CNTNAP2: variants seen among roughly 807,000 people sequenced by gnomAD.
CNTNAP2 encodes contactin associated protein 2, also known as contactin-associated protein-like 2.
In CNTNAP2, 98 loss-of-function variants were observed where a neutral mutation model predicts 155.2. The ratio of observed to expected loss-of-function variants is 0.63; its 90% CI spans 0.54 to 0.75. The LOEUF (loss-of-function observed/expected upper bound fraction) is 0.75, where lower values mean the gene tolerates loss of function less well. CNTNAP2 is among the 30% of genes least tolerant of loss of function. The probability of loss-of-function intolerance (pLI) is 0.00; values close to 1 mark genes in which losing one functional copy is unlikely to be tolerated. For synonymous variants in CNTNAP2, 651 were observed against 631.2 expected, an observed-to-expected ratio of 1.03 and a Z score of -0.47; for missense variants, 1,727 against 1,688.1, an observed-to-expected ratio of 1.02 and a Z score of -0.40.
At chr7:146,645,495 C>T (rs770870421) in intron 1 of CNTNAP2, among the ~76,000 whole-genome samples, 1 of 151,968 alleles carries the variant, frequency 6.6e-6, no homozygotes, top group Non-Finnish European at 1.5e-5. Context: ...TATGTATCTA[C>T]GAAAAATGAG....
intron 1 of CNTNAP2, among the ~76,000 whole-genome samples, chr7:146,149,230 A>G (rs1319835076): frequency 6.6e-6 from 1 of 152,184 alleles, no homozygotes; most frequent in East Asian, 1.9e-4. Flanking sequence ...CTTAATAAAT[A>G]TCTCAAAACA....
chr7:148,296,057 G>A (rs1256872579), intron 21 of CNTNAP2, among the ~76,000 whole-genome samples: 1 of 152,156 alleles, frequency 6.6e-6, no homozygotes, highest in African/African-American at 2.4e-5. Flanking sequence ...TTAAAAGCCA[G>A]ACTTTATTAA....
intron 9 of CNTNAP2, among the ~76,000 whole-genome samples, chr7:147,379,973 A>T (rs925056977): frequency 2.0e-5 from 3 of 152,072 alleles, no homozygotes; most frequent in Non-Finnish European, 2.9e-5. Flanking sequence ...CAGATATATA[A>T]CTTAAAAGAT....
intron 11 of CNTNAP2, among the ~76,000 whole-genome samples, chr7:147,551,486 G>A (rs1240042519): frequency 6.6e-6 from 1 of 152,140 alleles, no homozygotes; most frequent in Non-Finnish European, 1.5e-5. Flanking sequence ...CTGATTCTGA[G>A]ATGACTTTAA....
intron 22 of CNTNAP2, among the ~76,000 whole-genome samples, chr7:148,393,810 TTA>T (rs1376314323): frequency 6.6e-6 from 1 of 152,142 alleles, no homozygotes; most frequent in Non-Finnish European, 1.5e-5. Context: ...ATTTCATTAA[TTA>T]TGAGTTGGGT....
chr7:147,444,126 A>T (rs1289777414), intron 10 of CNTNAP2, among the ~76,000 whole-genome samples: 1 of 152,232 alleles, frequency 6.6e-6, no homozygotes, highest in African/African-American at 2.4e-5. Context: ...CTGGGAAATT[A>T]TTATTTATAT....
At chr7:146,876,734 G>A (rs1468176725) in intron 3 of CNTNAP2, among the ~76,000 whole-genome samples, 1 of 152,054 alleles carries the variant, frequency 6.6e-6, no homozygotes, top group Non-Finnish European at 1.5e-5. Flanking sequence ...GTGTATTGTT[G>A]ATTATCAGGT....
chr7:147,712,629 C>T lies in CNTNAP2; in HGVS notation c.2098+73323C>T, dbSNP rs183611866. Among the ~76,000 whole-genome samples, 35 of 152,234 alleles carry T rather than the reference C, an allele frequency of 2.3e-4. No homozygotes were observed. The East Asian group carries it at 3.7e-3, about 16-fold the overall frequency. On this transcript the variant is annotated intron_variant, in intron 13 of 23. Transcript: ENST00000361727. ...TGAAGCTGGAAACCATCATTCTGAG[C>T]AAACTATCGCAAGGACAAAAAACCA...
At chr7:147,917,016 C>T (rs903812252) in intron 14 of CNTNAP2, among the ~76,000 whole-genome samples, 3 of 152,196 alleles carry the variant, frequency 2.0e-5, no homozygotes, top group African/African-American at 4.8e-5. Context: ...CTTTCACAGA[C>T]ACCTGACCAT....
intron 1 of CNTNAP2, among the ~76,000 whole-genome samples, chr7:146,372,698 G>T (rs1445006670): frequency 6.6e-6 from 1 of 152,132 alleles, no homozygotes; most frequent in Non-Finnish European, 1.5e-5. Context: ...GTGAGTGAAG[G>T]TTGGTAATTT....
At chr7:148,025,150 G>A (rs368607626) in intron 15 of CNTNAP2, among the ~76,000 whole-genome samples, 13 of 152,306 alleles carry the variant, frequency 8.5e-5, no homozygotes, top group East Asian at 1.9e-4. Flanking sequence ...ACAATAACCA[G>A]CTATTGTTCC....
At position 146,425,702 on chromosome 7, in the gene CNTNAP2, T is replaced by C. The variant is rs187199191; in HGVS notation, c.97+308729T>C. Among the ~76,000 whole-genome samples, 296 of 152,270 alleles carry C rather than the reference T, an allele frequency of 1.9e-3. 1 individual carries two copies. Among genetic ancestry groups the C allele is most frequent in the African/African-American group, 6.7e-3 (279 of 41,546 alleles). On this transcript the variant is annotated intron_variant, in intron 1 of 23. Coordinates refer to ENST00000361727, the MANE Select transcript of CNTNAP2 (RefSeq NM_014141.6). Reference sequence around the variant, plus strand: ...CTACAAGTATAATTATTGATTAACATTCTTGAGGGATAAGATGTGCCAGAC... The same window carrying C: ...CTACAAGTATAATTATTGATTAACACTCTTGAGGGATAAGATGTGCCAGAC...
chr7:146,970,759 C>A (rs1584757368), intron 3 of CNTNAP2, among the ~76,000 whole-genome samples: 2 of 152,240 alleles, frequency 1.3e-5, no homozygotes, highest in South Asian at 4.1e-4. Flanking sequence ...AACACATGCA[C>A]ACGTATGTTT....
At chr7:147,061,061 G>A (rs1006496266) in intron 4 of CNTNAP2, among the ~76,000 whole-genome samples, 21 of 135,624 alleles carry the variant, frequency 1.5e-4, no homozygotes, top group Non-Finnish European at 1.5e-4. Flanking sequence ...CTTATATAAG[G>A]CATCTAAAAT....
intron 1 of CNTNAP2, among the ~76,000 whole-genome samples, chr7:146,506,839 A>T (rs1233842248): frequency 1.3e-5 from 2 of 152,188 alleles, no homozygotes; most frequent in African/African-American, 4.8e-5. Context: ...CTGGACCATG[A>T]CAGCAGTCCA....
chr7:148,178,669 T>A (rs1794986096), intron 18 of CNTNAP2, among the ~76,000 whole-genome samples: 1 of 152,140 alleles, frequency 6.6e-6, no homozygotes, highest in Non-Finnish European at 1.5e-5. Flanking sequence ...CTTAGGAAAA[T>A]TGTTTGTCAC....
intron 13 of CNTNAP2, among the ~76,000 whole-genome samples, chr7:147,659,189 T>G (rs1795576653): frequency 6.6e-6 from 1 of 152,202 alleles, no homozygotes; most frequent in South Asian, 2.1e-4. Context: ...AACTAAATCC[T>G]CAATCTTTTC....
At chr7:148,073,424 A>G (rs1803417923) in intron 15 of CNTNAP2, among the ~76,000 whole-genome samples, 2 of 152,202 alleles carry the variant, frequency 1.3e-5, no homozygotes, top group African/African-American at 4.8e-5. Flanking sequence ...GTGCTCTTCC[A>G]AGTAGTATGA....
intron 1 of CNTNAP2, among the ~76,000 whole-genome samples, chr7:146,368,995 C>A (rs1795193537): frequency 6.9e-6 from 1 of 145,816 alleles, no homozygotes. Flanking sequence ...TATTTTTTAA[C>A]ATTATAAAAT....
Sources: gnomAD v4.1 joint callset for allele counts (sites outside exome capture counted in the v4.1 genomes callset) on GRCh38, gnomAD v4.1.1 for gene constraint, MANE v1.5 for transcripts, NCBI Gene and HGNC (gene_info 2026-07-23, HGNC 2026-07-21) for gene names.